Variants in HEPHL1 observed in about 807,000 individuals in gnomAD.
The protein encoded by HEPHL1 is hephaestin like 1, also known as ferroxidase HEPHL1.
Under a neutral mutation model 122.0 loss-of-function variants are expected in HEPHL1, and 123 were observed. The ratio of observed to expected loss-of-function variants is 1.01; its 90% confidence interval spans 0.87 to 1.17. HEPHL1 has a LOEUF of 1.17. HEPHL1 is among the 50% of genes most tolerant of loss of function. The probability of loss-of-function intolerance (pLI) is 0.00; values close to 1 mark genes in which losing one functional copy is unlikely to be tolerated. For missense variants in HEPHL1, 1,452 were observed against 1,430.5 expected (o/e 1.01, Z -0.24); for synonymous variants, 527 against 508.9 (o/e 1.04, Z -0.48).
chr11:94,100,400 G>T (rs1232892925), intron 13 of HEPHL1, among the ~76,000 whole-genome samples: 3 of 152,150 alleles, frequency 2.0e-5, no homozygotes, highest in Admixed American at 2.0e-4. Context: ...TACTGACCAT[G>T]AAGCAGTGCA....
chr11:94,085,147 T>C (rs1250525460), intron 10 of HEPHL1, among the ~76,000 whole-genome samples: 1 of 152,188 alleles, frequency 6.6e-6, no homozygotes, highest in Non-Finnish European at 1.5e-5. Flanking sequence ...CATTTACCAG[T>C]CAGACATTGC....
intron 2 of HEPHL1, among the ~76,000 whole-genome samples, chr11:94,063,247 A>G (rs1268207124): frequency 6.6e-6 from 1 of 152,196 alleles, no homozygotes; most frequent in African/African-American, 2.4e-5. Context: ...ACATTTATTA[A>G]GTTCCTAGTT....
intron 1 of HEPHL1, among the ~76,000 whole-genome samples, chr11:94,031,910 G>A (rs1945679256): frequency 6.6e-6 from 1 of 152,218 alleles, no homozygotes; most frequent in Non-Finnish European, 1.5e-5. Context: ...AAAGTGGTCT[G>A]GTGATGGCCA....
At chr11:94,093,315 G>A (rs193052240) in intron 12 of HEPHL1, among the ~76,000 whole-genome samples, 186 bp from the exon 13 acceptor site, 8 of 152,190 alleles carry the variant, frequency 5.3e-5, no homozygotes, top group Admixed American at 5.2e-4. Flanking sequence ...AACTGAAGGA[G>A]CTTTAAAGTG....
At chr11:94,077,761 G>A (rs1046921242) in intron 9 of HEPHL1, among the ~76,000 whole-genome samples, 4 of 152,126 alleles carry the variant, frequency 2.6e-5, no homozygotes, top group African/African-American at 4.8e-5. Flanking sequence ...TGGGCACCAC[G>A]CTCCCTCATG....
chr11:94,108,334 T>C (rs1472931218), intron 17 of HEPHL1, among the ~76,000 whole-genome samples: 4 of 152,126 alleles, frequency 2.6e-5, no homozygotes, highest in Admixed American at 2.6e-4. Context: ...CTCACAAATA[T>C]TTGCTTCCAG....
At chr11:94,067,148 G>A (rs562218582) in intron 4 of HEPHL1, among the ~76,000 whole-genome samples, 1 of 152,240 alleles carries the variant, frequency 6.6e-6, no homozygotes, top group Admixed American at 6.5e-5. Context: ...CAGCAGATAT[G>A]CCAGTGAAGG....
chr11:94,039,518 T>C (rs1255101310), intron 1 of HEPHL1, among the ~76,000 whole-genome samples: 1 of 150,604 alleles, frequency 6.6e-6, no homozygotes, highest in Admixed American at 6.6e-5. Context: ...TATAACAAAC[T>C]ATCTCTCAGA....
intron 9 of HEPHL1, 44 bp downstream of exon 9, chr11:94,075,429 G>A: frequency 1.5e-6 from 2 of 1,366,220 alleles, no homozygotes; most frequent in Non-Finnish European, 2.0e-6. Context: ...GTTGTATGTG[G>A]GAGAGATCCG....
chr11:94,109,191 A>G (rs1946430296), intron 17 of HEPHL1, among the ~76,000 whole-genome samples: 1 of 152,128 alleles, frequency 6.6e-6, no homozygotes, highest in Non-Finnish European at 1.5e-5. Context: ...AATATAATTG[A>G]TATTTGCATG....
At chr11:94,093,679 G>A (rs765912110) in intron 13 of HEPHL1, 39 bp downstream of exon 13, 19 of 1,597,464 alleles carry the variant, frequency 1.2e-5, no homozygotes, top group Non-Finnish European at 1.5e-5. Context: ...TCAGCCCCAA[G>A]CATGTGCATG....
In HEPHL1 at chr11:94,112,838, A is replaced by C. The variant is rs1029169015; in HGVS notation, c.*944A>C. The C allele has an allele frequency of 6.6e-6, 1 of 152,198 alleles. No individual in the cohort carries two copies. Among genetic ancestry groups the C allele is most frequent in the Admixed American group, 6.5e-5 (1 of 15,268 alleles). The allele number at this position is 152,198 out of a possible 1,614,324, so 9.4% of individuals were successfully genotyped here. A position where few individuals can be genotyped will look rare whatever the true frequency, so the allele number is the denominator to read the frequency against. On this transcript the variant is annotated 3_prime_UTR_variant, in exon 20 of 20. Coordinates refer to ENST00000315765, the MANE Select transcript of HEPHL1 (RefSeq NM_001098672.2). ...CTGATTTTTCATTCAGTTAGAGGGA[A>C]TCTTTACAAGTCCTCATCTTCTATG...
At chr11:94,055,664 G>A in intron 2 of HEPHL1, 1 of 390,518 alleles carries the variant, frequency 2.6e-6, no homozygotes. Context: ...AAGATGTGAG[G>A]AAGCTGGCTA....
intron 5 of HEPHL1, among the ~76,000 whole-genome samples, chr11:94,068,308 A>C (rs2511406): frequency 0.35 from 53,884 of 151,972 alleles, 10,334 homozygotes; most frequent in Admixed American, 0.46. Flanking sequence ...CCCCCCTCGA[A>C]TTATTTAATT....
intron 12 of HEPHL1, 26 bp from the exon 13 acceptor site, chr11:94,093,475 T>C: frequency 1.9e-6 from 3 of 1,612,500 alleles, no homozygotes; most frequent in Non-Finnish European, 2.5e-6. Context: ...CTGACAACTT[T>C]AATTTCTGAT....
chr11:94,046,106 T>TC (rs1176905102), intron 2 of HEPHL1, among the ~76,000 whole-genome samples, 189 bp downstream of exon 2: 6 of 130,390 alleles, frequency 4.6e-5, no homozygotes, highest in African/African-American at 1.7e-4. Context: ...TTTTTTTTTT[T>TC]TTTTTTGAGA....
intron 13 of HEPHL1, among the ~76,000 whole-genome samples, chr11:94,100,593 A>C (rs1946360513): frequency 6.6e-6 from 1 of 152,204 alleles, no homozygotes; most frequent in African/African-American, 2.4e-5. Flanking sequence ...ATTAATCATA[A>C]ATTAATACAT....
intron 10 of HEPHL1, among the ~76,000 whole-genome samples, chr11:94,083,767 A>AT (rs11405841): frequency 0.71 from 108,307 of 152,022 alleles, 38,816 homozygotes; most frequent in African/African-American, 0.79. Flanking sequence ...GGAGTAGTAC[A>AT]TTTCAGTGTC....
intron 5 of HEPHL1, among the ~76,000 whole-genome samples, chr11:94,068,433 A>T (rs1946051411): frequency 1.3e-5 from 2 of 152,152 alleles, no homozygotes; most frequent in Middle Eastern, 3.2e-3. Context: ...AGCTTCCTTC[A>T]TGTCCTATGA....
Sources: allele counts gnomAD v4.1 joint callset (sites outside exome capture counted in the v4.1 genomes callset), GRCh38; gene constraint gnomAD v4.1.1; transcripts MANE v1.5; gene names NCBI Gene and HGNC (gene_info 2026-07-23, HGNC 2026-07-21).